TBC1D32: variants seen among roughly 807,000 people sequenced by gnomAD.
The protein encoded by TBC1D32 is protein broad-minded.
A neutral mutation model predicts 170.3 loss-of-function variants in TBC1D32; 151 were observed. The ratio of observed to expected loss-of-function variants is 0.89; its 90% CI spans 0.78 to 1.01. The LOEUF (loss-of-function observed/expected upper bound fraction) is 1.01. TBC1D32 is among the 50% of genes least tolerant of loss of function. TBC1D32 has a pLI of 0.00. For missense variants in TBC1D32, 1,464 were observed against 1,457.1 expected, an observed-to-expected ratio of 1.00 and a Z score of -0.08; for synonymous variants, 498 against 488.0, an observed-to-expected ratio of 1.02 and a Z score of -0.27.
intron 10 of TBC1D32, among the ~76,000 whole-genome samples, chr6:121,298,362 T>C (rs1805963983): frequency 6.6e-6 from 1 of 152,028 alleles, no homozygotes; most frequent in African/African-American, 2.4e-5. Flanking sequence ...AAGAAACCAA[T>C]TTTAAGAATT....
intron 3 of TBC1D32, among the ~76,000 whole-genome samples, chr6:121,312,533 T>C (rs1036181949): frequency 6.6e-6 from 1 of 152,114 alleles, no homozygotes; most frequent in African/African-American, 2.4e-5. Context: ...AGTGACCTCA[T>C]TTTAAAGTCA....
intron 15 of TBC1D32, among the ~76,000 whole-genome samples, chr6:121,262,977 A>G (rs1198506145): frequency 6.6e-6 from 1 of 152,160 alleles, no homozygotes; most frequent in East Asian, 1.9e-4. Context: ...AAAAAAACAC[A>G]CTAAACTACA....
chr6:121,093,053 G>A (rs1777003227), intron 30 of TBC1D32, among the ~76,000 whole-genome samples: 1 of 151,984 alleles, frequency 6.6e-6, no homozygotes, highest in Non-Finnish European at 1.5e-5. Flanking sequence ...TCTTTCCAAA[G>A]AGCCCATAAG....
chr6:121,088,642 C>T (rs928293035), intron 31 of TBC1D32, among the ~76,000 whole-genome samples: 8 of 151,816 alleles, frequency 5.3e-5, no homozygotes, highest in South Asian at 2.1e-4. Context: ...TGACACCTAC[C>T]CACTGAAAAT....
intron 31 of TBC1D32, among the ~76,000 whole-genome samples, chr6:121,088,661 A>C (rs1230186190): frequency 2.0e-5 from 3 of 152,126 alleles, no homozygotes; most frequent in African/African-American, 7.2e-5. Flanking sequence ...ATAAAACAAC[A>C]AAAAAAGTAA....
chr6:121,148,014 C>G (rs1435592726), intron 24 of TBC1D32, among the ~76,000 whole-genome samples: 1 of 138,248 alleles, frequency 7.2e-6, no homozygotes, highest in Non-Finnish European at 1.5e-5. Context: ...ACTTTAAGTT[C>G]TGGGATACAT....
rs1003144102 is a variant in TBC1D32, at chr6:121,236,299, C to G, written c.2364+2771G>C. Reference sequence around the variant, plus strand: ...CACTAGCTACATGTGCTATTGAGCACTTATGACTAATATAATTAAGGAACT... The same window carrying G: ...CACTAGCTACATGTGCTATTGAGCAGTTATGACTAATATAATTAAGGAACT... On this transcript the variant is annotated intron_variant, in intron 20 of 31. Coordinates refer to ENST00000398212, the MANE Select transcript of TBC1D32 (RefSeq NM_152730.6). 2.0e-5 allele frequency among the ~76,000 whole-genome samples: 3 copies of G among 151,942 alleles called. No homozygotes were observed. In the South Asian group the frequency reaches 6.2e-4, roughly 32 times the overall value.
In TBC1D32 at chr6:121,292,316, A is replaced by T. The variant is rs911486476; in HGVS notation, c.1232-123T>A. On this transcript the variant is annotated intron_variant, in intron 11 of 31. Coordinates refer to ENST00000398212, the MANE Select transcript of TBC1D32 (RefSeq NM_152730.6). Reference sequence around the variant, plus strand: ...AGAATGGAGACATTACTGGTCAAAAATTTTTTAATTATTTGTTTTCCTTAT... The same window carrying T: ...AGAATGGAGACATTACTGGTCAAAATTTTTTTAATTATTTGTTTTCCTTAT... 17 of 961,298 alleles carry T rather than the reference A, an allele frequency of 1.8e-5. No individual in the cohort carries two copies. The Admixed American group carries it at 2.1e-4, about 12-fold the overall frequency. 59.5% of individuals were successfully genotyped at this position (961,298 alleles called of 1,614,324 possible).
At chr6:121,255,071 ACACG>A (rs1483986147) in intron 17 of TBC1D32, among the ~76,000 whole-genome samples, 5 of 152,100 alleles carry the variant, frequency 3.3e-5, no homozygotes, top group African/African-American at 1.2e-4. Flanking sequence ...TTTTCTGGAA[ACACG>A]ATAATATCAC....
chr6:121,196,329 G>A (rs182520103), intron 22 of TBC1D32, among the ~76,000 whole-genome samples: 1 of 152,314 alleles, frequency 6.6e-6, no homozygotes, highest in East Asian at 1.9e-4. Context: ...CCACTGCTGA[G>A]TGCCCAATTT....
intron 20 of TBC1D32, among the ~76,000 whole-genome samples, chr6:121,237,945 T>C (rs1796519414): frequency 6.6e-6 from 1 of 152,132 alleles, no homozygotes; most frequent in Non-Finnish European, 1.5e-5. Flanking sequence ...CTGGATTCTA[T>C]TATACTCCCT....
intron 31 of TBC1D32, among the ~76,000 whole-genome samples, chr6:121,088,469 T>C (rs1272224516): frequency 6.6e-6 from 1 of 152,102 alleles, no homozygotes; most frequent in Admixed American, 6.5e-5. Flanking sequence ...GGTTATTATA[T>C]GAATAAGTGA....
intron 5 of TBC1D32, among the ~76,000 whole-genome samples, chr6:121,305,250 T>C (rs962181326): frequency 6.6e-6 from 1 of 152,092 alleles, no homozygotes; most frequent in African/African-American, 2.4e-5. Flanking sequence ...ATTAGAGATT[T>C]AGAATTATTT....
Position 121,243,799 on chromosome 6 carries a change from C to CA in TBC1D32, c.2019-1461dup, listed in dbSNP as rs1196776781. 1.3e-3 allele frequency among the ~76,000 whole-genome samples: 177 copies of CA among 131,760 alleles called. 1 individual carries two copies. The highest frequency in any genetic ancestry group is 4.2e-3 in the African/African-American group (150 of 35,918). 86.4% of individuals were successfully genotyped at this position (131,760 alleles called of 152,430 possible). A position where few individuals can be genotyped will look rare whatever the true frequency, so the allele number is the denominator to read the frequency against. On this transcript the variant is annotated intron_variant, in intron 17 of 31. Transcript: ENST00000398212. ...AGTAAAAACAACTATGTTTGAAGAC[C>CA]AAAAAAAAAACACAGACGCACTTCC...
chr6:121,321,746 A>C lies in TBC1D32; in HGVS notation c.204T>G (p.Gly68=), dbSNP rs1809749994. ...YLRQHIGNTL[G]SMIEEEMEKC... ...TTTCCATTTCTTCTTCAATCATAGAACCCAAAGTGTTGCCTATATGCTGCC... is the reference window on the plus strand; with the variant it reads ...TTTCCATTTCTTCTTCAATCATAGACCCCAAAGTGTTGCCTATATGCTGCC... The change falls in exon 2 of 32, where the codon GGT becomes GGG. Residue 68 remains glycine (G), a synonymous_variant. Coordinates refer to ENST00000398212, the MANE Select transcript of TBC1D32 (RefSeq NM_152730.6). 6.2e-7 allele frequency: 1 copy of C among 1,613,946 alleles called. No individual in the cohort carries two copies. Among genetic ancestry groups the C allele is most frequent in the Non-Finnish European group, 8.5e-7 (1 of 1,179,926 alleles).
intron 24 of TBC1D32, among the ~76,000 whole-genome samples, chr6:121,145,741 T>A (rs1231732062): frequency 6.6e-6 from 1 of 152,082 alleles, no homozygotes; most frequent in Non-Finnish European, 1.5e-5. Context: ...AATTAAAAAA[T>A]AAATTAATTT....
chr6:121,294,515 T>C, intron 11 of TBC1D32, 55 bp downstream of exon 11: 2 of 1,343,782 alleles, frequency 1.5e-6, no homozygotes, highest in South Asian at 2.5e-5. Context: ...TAAACTGTAT[T>C]TACTAATAAA....
chr6:121,262,799 A>T (rs895119338), intron 15 of TBC1D32, among the ~76,000 whole-genome samples: 3 of 152,122 alleles, frequency 2.0e-5, no homozygotes, highest in Non-Finnish European at 4.4e-5. Context: ...TAAAGAAAAA[A>T]ATTTTCAACT....
intron 12 of TBC1D32, among the ~76,000 whole-genome samples, chr6:121,285,203 G>C (rs1196045513): frequency 6.6e-6 from 1 of 152,078 alleles, no homozygotes; most frequent in Non-Finnish European, 1.5e-5. Context: ...TCACTAAGAA[G>C]ACTCAGAGGA....
Sources: allele counts gnomAD v4.1 joint callset (sites outside exome capture counted in the v4.1 genomes callset), GRCh38; gene constraint gnomAD v4.1.1; transcripts MANE v1.5; gene names NCBI Gene and HGNC (gene_info 2026-07-23, HGNC 2026-07-21).